KSR2: variants seen among roughly 807,000 people sequenced by gnomAD.
The protein encoded by KSR2 is kinase suppressor of ras 2.
KSR2 carries 25 observed loss-of-function variants against 107.8 expected under a neutral mutation model. The observed-to-expected ratio is 0.23, with a 90% CI of 0.17 to 0.32. The LOEUF is 0.32. Ranked by LOEUF, KSR2 falls within the 10% of genes least tolerant of loss-of-function variation. The pLI, the probability that KSR2 is intolerant of heterozygous loss-of-function variation, is 1.00. For synonymous variants in KSR2, 480 were observed against 507.0 expected, an observed-to-expected ratio of 0.95 and a Z score of 0.71; for missense variants, 887 against 1,268.9, an observed-to-expected ratio of 0.70 and a Z score of 4.57.
intron 4 of KSR2, among the ~76,000 whole-genome samples, chr12:117,690,273 G>A (rs746862379): frequency 1.3e-5 from 2 of 152,152 alleles, no homozygotes; most frequent in Non-Finnish European, 2.9e-5. Context: ...TTGAAAGAAT[G>A]GGGAAAAAGG....
intron 1 of KSR2, among the ~76,000 whole-genome samples, chr12:117,950,819 A>C (rs1381909357): frequency 6.6e-6 from 1 of 151,200 alleles, no homozygotes. Flanking sequence ...AAACAAAATT[A>C]TTTAGCATTC....
At chr12:117,657,813 G>C (rs2136455830) in intron 5 of KSR2, among the ~76,000 whole-genome samples, 1 of 152,336 alleles carries the variant, frequency 6.6e-6, no homozygotes, top group East Asian at 1.9e-4. Context: ...TTTTGTGTGT[G>C]CTAGCTCCAT....
intron 4 of KSR2, among the ~76,000 whole-genome samples, chr12:117,696,033 CTGT>C (rs1309683930): frequency 6.6e-6 from 1 of 152,198 alleles, no homozygotes; most frequent in African/African-American, 2.4e-5. Flanking sequence ...TTCTCTGCAG[CTGT>C]TAAATATCGT....
intron 16 of KSR2, among the ~76,000 whole-genome samples, chr12:117,482,389 T>C (rs1002704923): frequency 3.9e-5 from 6 of 152,154 alleles, no homozygotes; most frequent in Non-Finnish European, 8.8e-5. Context: ...GACAATACCT[T>C]GTTTTAAGCC....
intron 1 of KSR2, among the ~76,000 whole-genome samples, chr12:117,899,481 C>T (rs1894620322): frequency 6.6e-6 from 1 of 151,808 alleles, no homozygotes; most frequent in Admixed American, 6.6e-5. Flanking sequence ...CAACAGAGAC[C>T]CTGTCTCAAA....
chr12:117,674,953 C>G lies in KSR2; in HGVS notation c.987-7295G>C, dbSNP rs555036047. Among the ~76,000 whole-genome samples the G allele has an allele frequency of 3.3e-5, 5 of 152,302 alleles. No homozygotes were observed. In the South Asian group the frequency reaches 1.0e-3, roughly 32 times the overall value. On this transcript the variant is annotated intron_variant, in intron 4 of 19. Coordinates refer to ENST00000339824, the MANE Select transcript of KSR2 (RefSeq NM_173598.6). ...CTGGTCCTTGACCACACTAAATTCT[C>G]TACCTCAGGGCCTTTGCACATGCTG... is the stretch of plus-strand genomic sequence containing the variant.
At chr12:117,476,751 A>C (rs1190105689) in intron 16 of KSR2, among the ~76,000 whole-genome samples, 156 bp from the exon 17 acceptor site, 1 of 152,172 alleles carries the variant, frequency 6.6e-6, no homozygotes, top group Non-Finnish European at 1.5e-5. Flanking sequence ...GAGACCCAGT[A>C]GTAGGTGCAG....
intron 5 of KSR2, among the ~76,000 whole-genome samples, chr12:117,656,936 A>G (rs1884181250): frequency 1.6e-5 from 1 of 61,146 alleles, no homozygotes; most frequent in Admixed American, 2.0e-4. Context: ...ACATATATAT[A>G]ATAGGATATA....
chr12:117,709,412 C>A (rs1299469249), intron 4 of KSR2, among the ~76,000 whole-genome samples: 1 of 152,186 alleles, frequency 6.6e-6, no homozygotes, highest in Non-Finnish European at 1.5e-5. Flanking sequence ...TAGCTCACTA[C>A]TCCCGGGCTC....
chr12:117,729,296 G>A (rs1887567538), intron 4 of KSR2, among the ~76,000 whole-genome samples: 1 of 152,060 alleles, frequency 6.6e-6, no homozygotes, highest in South Asian at 2.1e-4. Flanking sequence ...TCAGCAATAG[G>A]GAAGGGACCA....
chr12:117,909,194 T>C (rs1894944234), intron 1 of KSR2, among the ~76,000 whole-genome samples: 1 of 152,220 alleles, frequency 6.6e-6, no homozygotes, highest in Non-Finnish European at 1.5e-5. Context: ...CTACTTTATA[T>C]ATAAGGCTCT....
intron 4 of KSR2, among the ~76,000 whole-genome samples, chr12:117,694,492 T>C (rs566572108): frequency 5.9e-5 from 9 of 152,340 alleles, no homozygotes; most frequent in East Asian, 5.8e-4. Context: ...TAACCAGTCT[T>C]GGGTATGTCT....
At chr12:117,709,852 A>C (rs1192006412) in intron 4 of KSR2, among the ~76,000 whole-genome samples, 1 of 152,216 alleles carries the variant, frequency 6.6e-6, no homozygotes, top group Admixed American at 6.5e-5. Context: ...AGTGACAACC[A>C]AAATGGACTC....
rs1440617052 is a variant in KSR2 at position 117,467,915 on chromosome 12, C to CTG, written c.2847-712_2847-711dup. On this transcript the variant is annotated intron_variant, in intron 19 of 19. Coordinates refer to ENST00000339824, the MANE Select transcript of KSR2 (RefSeq NM_173598.6). ...CATCCTATTCTGCTAGACCACAGTC[C>CTG]TGTGTTTTTTTTTTTTTTTTCCAGC... The CTG allele has an allele frequency of 1.3e-4, 26 of 204,924 alleles. 1 individual carries two copies. The highest frequency in any genetic ancestry group is 1.2e-3 in the Admixed American group (11 of 9,048). 12.7% of individuals were successfully genotyped at this position (204,924 alleles called of 1,614,324 possible).
Position 117,655,620 on chromosome 12 carries a change from G to A in KSR2, c.1171+11854C>T, listed in dbSNP as rs142182439. ...TTGCTTCCTGATCCCACGACATTACGTTCTGCTGGCCTAGAGGTCTTAGTT... is the reference window on the plus strand; with the variant it reads ...TTGCTTCCTGATCCCACGACATTACATTCTGCTGGCCTAGAGGTCTTAGTT... On this transcript the variant is annotated intron_variant, in intron 5 of 19. Transcript: ENST00000339824. 6.2e-3 allele frequency among the ~76,000 whole-genome samples: 951 copies of A among 152,254 alleles called. 6 individuals carry two copies. Among genetic ancestry groups the A allele is most frequent in the African/African-American group, 0.021 (881 of 41,546 alleles).
At chr12:117,862,640 C>T (rs1372537310) in intron 1 of KSR2, among the ~76,000 whole-genome samples, 1 of 152,134 alleles carries the variant, frequency 6.6e-6, no homozygotes, top group Admixed American at 6.5e-5. Flanking sequence ...GTGAGACCAT[C>T]ACTCAAAACA....
intron 4 of KSR2, among the ~76,000 whole-genome samples, chr12:117,681,984 C>T (rs1235660351): frequency 3.9e-5 from 6 of 152,146 alleles, no homozygotes; most frequent in Non-Finnish European, 5.9e-5. Context: ...TTCACTACAG[C>T]ACTATTCACA....
intron 3 of KSR2, among the ~76,000 whole-genome samples, chr12:117,804,463 AC>A (rs762021780): frequency 1.4e-4 from 22 of 152,144 alleles, no homozygotes; most frequent in Non-Finnish European, 2.9e-4. Flanking sequence ...AAGTTAGCTC[AC>A]CCCTGCTCCT....
chr12:117,765,983 C>T (rs912985004), intron 3 of KSR2, among the ~76,000 whole-genome samples: 3 of 152,138 alleles, frequency 2.0e-5, no homozygotes, highest in Non-Finnish European at 4.4e-5. Context: ...CCAGCCCCTG[C>T]CCTCAAGATG....
Sources: gnomAD v4.1 joint callset for allele counts (sites outside exome capture counted in the v4.1 genomes callset) on GRCh38, gnomAD v4.1.1 for gene constraint, MANE v1.5 for transcripts, NCBI Gene and HGNC (gene_info 2026-07-23, HGNC 2026-07-21) for gene names.